DOCK8: variants seen among roughly 807,000 people sequenced by gnomAD.
DOCK8 encodes dedicator of cytokinesis protein 8.
A neutral mutation model predicts 245.6 loss-of-function variants in DOCK8; 141 were observed. The observed-to-expected ratio is 0.57, with a 90% CI of 0.50 to 0.66. DOCK8 has a LOEUF of 0.66. Among genes scored for constraint, DOCK8 ranks in the 30% least tolerant of loss-of-function variants. The pLI, the probability that DOCK8 is intolerant of heterozygous loss-of-function variation, is 0.00. For missense variants in DOCK8, 2,965 were observed against 2,603.4 expected, an observed-to-expected ratio of 1.14 and a Z score of -3.02; for synonymous variants, 1,168 against 970.2, an observed-to-expected ratio of 1.20 and a Z score of -3.79.
At chr9:416,319 C>T (rs2056008933) in intron 29 of DOCK8, among the ~76,000 whole-genome samples, 2 of 152,268 alleles carry the variant, frequency 1.3e-5, no homozygotes, top group South Asian at 4.2e-4. Context: ...TTTTGAGAAT[C>T]CTTGATGGCA....
chr9:366,698 GTGCACAGTAAC>G (rs2053017804), intron 14 of DOCK8: 1 of 152,172 alleles, frequency 6.6e-6, no homozygotes, highest in African/African-American at 2.4e-5. Context: ...GGCATTCTCA[GTGCACAGTAAC>G]CTGTTTATCT....
chr9:334,083 T>C, intron 10 of DOCK8, 142 bp from the exon 11 acceptor site: 1 of 920,420 alleles, frequency 1.1e-6, no homozygotes, highest in Non-Finnish European at 1.7e-6. Flanking sequence ...TTCACTGTTT[T>C]TATTTTTTAG....
Position 286,639 on chromosome 9 carries a change from A to G in DOCK8, c.332+3A>G. On this transcript the variant is annotated splice_donor_region_variant and intron_variant, in intron 3 of 47. Coordinates refer to ENST00000432829, the MANE Select transcript of DOCK8 (RefSeq NM_203447.4). ...CAGCCCTCTTTGCCGGAGGAAGGGT[A>G]AATAGTTTTCTAAAATGTAGATGTG... 1 of 1,613,638 alleles carries G rather than the reference A, an allele frequency of 6.2e-7. No individual in the cohort carries two copies. The highest frequency in any genetic ancestry group is 8.5e-7 in the Non-Finnish European group (1 of 1,179,670).
intron 11 of DOCK8, among the ~76,000 whole-genome samples, chr9:335,320 C>T (rs1323127507): frequency 6.6e-6 from 1 of 152,294 alleles, no homozygotes; most frequent in Non-Finnish European, 1.5e-5. Flanking sequence ...CCCATATCAC[C>T]TGTGGTGGGG....
intron 14 of DOCK8, among the ~76,000 whole-genome samples, chr9:365,362 T>C (rs916801134): frequency 3.9e-5 from 6 of 152,206 alleles, no homozygotes; most frequent in South Asian, 4.1e-4. Flanking sequence ...ATTATCATAA[T>C]AACTATCATG....
rs754694319 is a variant in DOCK8, at chr9:439,211, C to T, written c.5080-34C>T. 10 of 1,614,060 alleles carry T rather than the reference C, an allele frequency of 6.2e-6. No homozygotes were observed. In the South Asian group the frequency reaches 1.1e-4, roughly 18 times the overall value. ...GTGGTCTCTTACTAGTCTGGTCGCCCTGTTCTCCAGGCTTATACTGTGGTC... is the reference window on the plus strand; with the variant it reads ...GTGGTCTCTTACTAGTCTGGTCGCCTTGTTCTCCAGGCTTATACTGTGGTC... On this transcript the variant is annotated intron_variant, in intron 39 of 47. Transcript: ENST00000432829.
chr9:334,927 CA>C (rs764707131), intron 11 of DOCK8, among the ~76,000 whole-genome samples: 2 of 151,968 alleles, frequency 1.3e-5, no homozygotes, highest in Non-Finnish European at 2.9e-5. Context: ...ACTAAAAATA[CA>C]AAAAATTTGC....
intron 3 of DOCK8, among the ~76,000 whole-genome samples, chr9:288,818 G>C (rs58008997): frequency 6.6e-6 from 1 of 152,104 alleles, no homozygotes; most frequent in African/African-American, 2.4e-5. Flanking sequence ...AATACTAACA[G>C]CATGTCTCTG....
intron 23 of DOCK8, among the ~76,000 whole-genome samples, chr9:388,055 A>T (rs540970979): frequency 1.3e-5 from 2 of 152,344 alleles, no homozygotes; most frequent in African/African-American, 4.8e-5. Context: ...AGCATGAATT[A>T]CTTTAAGAAG....
In DOCK8 at chr9:414,786, A is replaced by G; in HGVS notation, c.3535A>G (p.Ser1179Gly). Residue 1179 changes from serine to glycine, a missense_variant, in exon 29 of 48, where the codon AGC (serine) becomes GGC (glycine). By Grantham distance (56) the Ser-to-Gly change is moderately conservative. Coordinates refer to ENST00000432829, the MANE Select transcript of DOCK8 (RefSeq NM_203447.4). ...AALDAEGEGI[S>G]KVQRKAVSAI... is the part of the protein sequence containing the mutation. ...ATTCCTGTGTTGTGCCAACAGAATC[A>G]GCAAAGTACAAAGGAAAGCTGTCAG... 2 of 1,614,222 alleles carry G rather than the reference A, an allele frequency of 1.2e-6. No homozygotes were observed. Among genetic ancestry groups the G allele is most frequent in the Non-Finnish European group, 1.7e-6 (2 of 1,180,030 alleles).
intron 1 of DOCK8, among the ~76,000 whole-genome samples, chr9:230,353 A>G (rs2047084134): frequency 6.6e-6 from 1 of 152,132 alleles, no homozygotes. Flanking sequence ...TAGTGCTGCT[A>G]TAAACATACG....
At chr9:215,533 C>G (rs953903615) in intron 1 of DOCK8, 38 of 1,264,174 alleles carry the variant, frequency 3.0e-5, no homozygotes, top group South Asian at 6.8e-5. Context: ...CTTCATTATT[C>G]CAGAAAGAGC....
chr9:342,247 T>C lies in DOCK8; in HGVS notation c.1679+1926T>C, dbSNP rs17270087. On this transcript the variant is annotated intron_variant, in intron 14 of 47. Transcript: ENST00000432829. Reference sequence around the variant, plus strand: ...TTGAGGATTGCTGCTCTAGGTGTTATATTACACTTTGTTTTTGTCACTCAA... The same window carrying C: ...TTGAGGATTGCTGCTCTAGGTGTTACATTACACTTTGTTTTTGTCACTCAA... Among the ~76,000 whole-genome samples, 385 of 151,688 alleles carry C rather than the reference T, an allele frequency of 2.5e-3. 2 individuals are homozygous for C. Among genetic ancestry groups the C allele is most frequent in the African/African-American group, 7.2e-3 (296 of 41,240 alleles).
At position 405,062 on chromosome 9, in the gene DOCK8, A is replaced by C. The variant is rs1321943319; in HGVS notation, c.3379A>C (p.Ile1127Leu). Reference sequence around the variant, plus strand: ...TGCTCCAACATCTCCTTGTCCTTCCATATCTTCCCAGGTAATAAAAGAATT... The same window carrying C: ...TGCTCCAACATCTCCTTGTCCTTCCCTATCTTCCCAGGTAATAAAAGAATT... ...DTAPTSPCPS[I>L]SSQNSSSCSS... Residue 1127 changes from isoleucine (I) to leucine (L), a missense_variant, in exon 27 of 48, where the codon ATA becomes CTA. By Grantham distance (5) the Ile-to-Leu change is conservative. Coordinates refer to ENST00000432829, the MANE Select transcript of DOCK8 (RefSeq NM_203447.4). 1.2e-6 allele frequency: 2 copies of C among 1,613,558 alleles called. No individual in the cohort carries two copies. The highest frequency in any genetic ancestry group is 1.1e-5 in the South Asian group (1 of 91,072).
In DOCK8 at chr9:334,402, A is replaced by G. The variant is rs1293768221; in HGVS notation, c.1285+18A>G. On this transcript the variant is annotated intron_variant, in intron 11 of 47. Transcript: ENST00000432829. ...TGTGGTTGGTAAGATTTTCACCTGC[A>G]GTGGGAAAGGGAGGGCTCCCCAGTG... The G allele has an allele frequency of 3.1e-6, 5 of 1,610,750 alleles. No individual in the cohort carries two copies. Among genetic ancestry groups the G allele is most frequent in the Non-Finnish European group, 4.2e-6 (5 of 1,177,640 alleles).
intron 10 of DOCK8, among the ~76,000 whole-genome samples, chr9:333,687 AT>A (rs1261854733): frequency 7.1e-6 from 1 of 140,468 alleles, no homozygotes; most frequent in Non-Finnish European, 1.5e-5. Flanking sequence ...AGTAAGATTT[AT>A]TGAACTCAAG....
intron 1 of DOCK8, among the ~76,000 whole-genome samples, chr9:265,486 C>T (rs553672963): frequency 3.3e-5 from 5 of 152,278 alleles, no homozygotes; most frequent in South Asian, 4.1e-4. Flanking sequence ...GTTTTACAGT[C>T]GTTCGTTACC....
At position 328,188 on chromosome 9, in the gene DOCK8, T is replaced by G; in HGVS notation, c.1044+17T>G. ...GTAGTCAAGGTAATTCAGTACGATC[T>G]GATTTGCCCAATCTGATGTTTTCAT... is the stretch of plus-strand genomic sequence containing the variant. On this transcript the variant is annotated intron_variant, in intron 9 of 47. Coordinates refer to ENST00000432829, the MANE Select transcript of DOCK8 (RefSeq NM_203447.4). 1.2e-6 allele frequency: 2 copies of G among 1,609,394 alleles called. No individual in the cohort carries two copies. Among genetic ancestry groups the G allele is most frequent in the South Asian group, 2.2e-5 (2 of 90,548 alleles).
chr9:451,299 A>G (rs1352502272), intron 45 of DOCK8, among the ~76,000 whole-genome samples: 1 of 151,938 alleles, frequency 6.6e-6, no homozygotes, highest in Admixed American at 6.6e-5. Context: ...TGACAGAGTA[A>G]GACTCTGTCT....
Sources: allele counts gnomAD v4.1 joint callset (sites outside exome capture counted in the v4.1 genomes callset), GRCh38; gene constraint gnomAD v4.1.1; transcripts MANE v1.5; gene names NCBI Gene and HGNC (gene_info 2026-07-23, HGNC 2026-07-21).